Variants in MEIS1 observed in about 807,000 individuals in gnomAD.
MEIS1 encodes the protein Meis homeobox 1, also known as homeobox protein Meis1.
Under a neutral mutation model 50.8 loss-of-function variants are expected in MEIS1, and 5 were observed. That is an observed-to-expected ratio of 0.10 (90% CI 0.05 to 0.21). The LOEUF (loss-of-function observed/expected upper bound fraction) is 0.21. Ranked by LOEUF, MEIS1 falls within the 10% of genes least tolerant of loss-of-function variation. The pLI is 1.00. For missense variants in MEIS1, 318 were observed against 517.3 expected (o/e 0.61, Z 3.74); for synonymous variants, 176 against 179.3 (o/e 0.98, Z 0.15).
chr2:66,527,514 G>A (rs6723359), intron 8 of MEIS1, among the ~76,000 whole-genome samples: 142,280 of 151,854 alleles, frequency 0.94, 67,361 homozygotes, highest in East Asian at 1. Flanking sequence ...GTCAACCAGA[G>A]CTGGGGGCCC....
intron 6 of MEIS1, chr2:66,454,917 T>G (rs577372151): frequency 6.6e-6 from 1 of 152,280 alleles, no homozygotes; most frequent in East Asian, 1.9e-4. Flanking sequence ...AGTATTTAGG[T>G]ATACTTATTT....
intron 8 of MEIS1, among the ~76,000 whole-genome samples, chr2:66,527,410 T>C (rs968168731): frequency 3.9e-5 from 6 of 152,182 alleles, no homozygotes; most frequent in Non-Finnish European, 8.8e-5. Flanking sequence ...CACAGTTGAC[T>C]AGAACTAATG....
intron 9 of MEIS1, among the ~76,000 whole-genome samples, chr2:66,553,684 G>A: frequency 6.6e-6 from 1 of 152,158 alleles, no homozygotes; most frequent in Non-Finnish European, 1.5e-5. Context: ...CAGAGACACT[G>A]CTTTTTTTTT....
chr2:66,568,179 G>T (rs957222899), intron 10 of MEIS1: 1 of 157,238 alleles, frequency 6.4e-6, no homozygotes, highest in Non-Finnish European at 1.4e-5. Context: ...ACTTCTATGG[G>T]ATCCTGGCTT....
In MEIS1 at chr2:66,531,189, T is replaced by C. The variant is rs369709544; in HGVS notation, c.889-16754T>C. Among the ~76,000 whole-genome samples the C allele has an allele frequency of 1.1e-3, 162 of 152,304 alleles. No homozygotes were observed. The Middle Eastern group carries it at 0.014, about 13-fold the overall frequency. On this transcript the variant is annotated intron_variant, in intron 8 of 12. Coordinates refer to ENST00000272369, the MANE Select transcript of MEIS1 (RefSeq NM_002398.3). ...GAACAGACTACTTTAGCTTCACAAGTTGAAGTTGAATTGATCTTGACACTG... is the reference window on the plus strand; with the variant it reads ...GAACAGACTACTTTAGCTTCACAAGCTGAAGTTGAATTGATCTTGACACTG...
chr2:66,474,066 A>G lies in MEIS1; in HGVS notation c.742+9846A>G, dbSNP rs756005072. Among the ~76,000 whole-genome samples, 4 of 151,900 alleles carry G rather than the reference A, an allele frequency of 2.6e-5. No homozygotes were observed. The South Asian group carries it at 6.2e-4, about 24-fold the overall frequency. The stretch of plus-strand genomic sequence containing the variant: ...ATAATGACAAGAAAAAAGTCTGTAC[A>G]TGTTCAGTACATATGCAATCATCCA... On this transcript the variant is annotated intron_variant, in intron 7 of 12. Transcript: ENST00000272369.
intron 7 of MEIS1, among the ~76,000 whole-genome samples, chr2:66,487,027 A>G (rs1417461211): frequency 1.3e-5 from 2 of 152,194 alleles, no homozygotes; most frequent in African/African-American, 2.4e-5. Context: ...ATATACAATC[A>G]TGTCATCTGC....
intron 7 of MEIS1, among the ~76,000 whole-genome samples, chr2:66,505,128 G>A (rs1673656428): frequency 6.6e-6 from 1 of 152,144 alleles, no homozygotes; most frequent in Admixed American, 6.5e-5. Context: ...TAAGACCTAA[G>A]GGGTTGGCCA....
chr2:66,459,781 A>G (rs965571588), intron 6 of MEIS1, among the ~76,000 whole-genome samples: 1 of 152,180 alleles, frequency 6.6e-6, no homozygotes, highest in Non-Finnish European at 1.5e-5. Flanking sequence ...CGGAATAAAA[A>G]GGAATGAGTA....
intron 8 of MEIS1, among the ~76,000 whole-genome samples, chr2:66,538,846 G>T (rs368133873): frequency 6.6e-6 from 1 of 152,088 alleles, no homozygotes; most frequent in Non-Finnish European, 1.5e-5. Context: ...AGAGGAAATA[G>T]TAGGCATTTG....
intron 6 of MEIS1, among the ~76,000 whole-genome samples, chr2:66,451,907 A>G (rs1672284518): frequency 1.3e-5 from 2 of 151,924 alleles, no homozygotes; most frequent in African/African-American, 4.8e-5. Context: ...TTACTGCAAT[A>G]TTAAAATTTT....
chr2:66,502,504 C>T lies in MEIS1; in HGVS notation c.743-9645C>T, dbSNP rs1673582151. On this transcript the variant is annotated intron_variant, in intron 7 of 12. Coordinates refer to ENST00000272369, the MANE Select transcript of MEIS1 (RefSeq NM_002398.3). ...CAACATTTCTGGGAAGGTGAGGAGGCCATCAGTCATTTCACCCCCATCCAA... is the reference window on the plus strand; with the variant it reads ...CAACATTTCTGGGAAGGTGAGGAGGTCATCAGTCATTTCACCCCCATCCAA... Among the ~76,000 whole-genome samples the T allele has an allele frequency of 2.6e-5, 4 of 152,304 alleles. No individual in the cohort carries two copies. The South Asian group carries it at 8.3e-4, about 32-fold the overall frequency.
intron 7 of MEIS1, among the ~76,000 whole-genome samples, chr2:66,473,097 G>C (rs1263928794): frequency 6.6e-6 from 1 of 151,958 alleles, no homozygotes; most frequent in Non-Finnish European, 1.5e-5. Flanking sequence ...AGTAATATAA[G>C]GCCGGGCGCG....
chr2:66,555,721 C>T (rs1011906814), intron 9 of MEIS1, among the ~76,000 whole-genome samples: 1 of 152,106 alleles, frequency 6.6e-6, no homozygotes, highest in Non-Finnish European at 1.5e-5. Flanking sequence ...AAGCGCAGTA[C>T]CCAGAGAGAC....
At chr2:66,464,052 T>G in intron 6 of MEIS1, 57 bp from the exon 7 acceptor site, 1 of 1,279,278 alleles carries the variant, frequency 7.8e-7, no homozygotes, top group South Asian at 1.3e-5. Context: ...CATGGGATCC[T>G]ACCAATAAGG....
Position 66,571,584 on chromosome 2 carries a change from C to T in MEIS1, c.*376C>T. The T allele has an allele frequency of 1.3e-6, 2 of 1,541,244 alleles. No individual in the cohort carries two copies. The highest frequency in any genetic ancestry group is 1.4e-5 in the African/African-American group (1 of 72,936). The stretch of plus-strand genomic sequence containing the variant: ...TGACTGATTTCAAATCATGTTTTTT[C>T]TGCAATGACTGTGGAGTTCCATTCT... On this transcript the variant is annotated 3_prime_UTR_variant, in exon 13 of 13. Coordinates refer to ENST00000272369, the MANE Select transcript of MEIS1 (RefSeq NM_002398.3).
intron 7 of MEIS1, among the ~76,000 whole-genome samples, chr2:66,482,966 T>A (rs1327861905): frequency 6.6e-6 from 1 of 152,192 alleles, no homozygotes; most frequent in Admixed American, 6.5e-5. Flanking sequence ...ATGGTTTGAC[T>A]TTTTTGGACA....
chr2:66,521,722 A>G (rs570450924), intron 8 of MEIS1, among the ~76,000 whole-genome samples: 2 of 152,222 alleles, frequency 1.3e-5, no homozygotes. Flanking sequence ...ACCTGTCTGT[A>G]TGAATAGAAT....
intron 8 of MEIS1, among the ~76,000 whole-genome samples, chr2:66,533,368 C>A (rs922351277): frequency 2.0e-5 from 3 of 152,114 alleles, no homozygotes; most frequent in African/African-American, 7.2e-5. Flanking sequence ...TTTCTCAGTG[C>A]CTTAGTCAGT....
Sources: gnomAD v4.1 joint callset for allele counts (sites outside exome capture counted in the v4.1 genomes callset) on GRCh38, gnomAD v4.1.1 for gene constraint, MANE v1.5 for transcripts, NCBI Gene and HGNC (gene_info 2026-07-23, HGNC 2026-07-21) for gene names.